The following IMPDH1 variants were observed in gnomAD, a reference collection of about 807,000 sequenced individuals.
IMPDH1 encodes inosine-5'-monophosphate dehydrogenase 1.
In IMPDH1, 41 loss-of-function variants were observed where a neutral mutation model predicts 73.5. That is an observed-to-expected ratio of 0.56 (90% confidence interval 0.43 to 0.72). The LOEUF (loss-of-function observed/expected upper bound fraction) is 0.72. Among genes scored for constraint, IMPDH1 ranks in the 30% least tolerant of loss-of-function variants. IMPDH1 has a pLI of 0.00. For synonymous variants in IMPDH1, 318 were observed against 334.3 expected (o/e 0.95, Z 0.53); for missense variants, 645 against 824.8 (o/e 0.78, Z 2.67).
chr7:128,403,316 C>T (rs76080650), intron 5 of IMPDH1, among the ~76,000 whole-genome samples: 8,539 of 152,198 alleles, frequency 0.056, 415 homozygotes, highest in East Asian at 0.21. Context: ...ACAGCGTCTT[C>T]GGAGGCTGAG....
Position 128,394,778 on chromosome 7 carries a change from T to C in IMPDH1, c.1550+111A>G. ...TGCTACTTAAGCCCTGTGCCTCAGT[T>C]TCCAGAACCACCATATGGGGACTGG... is the stretch of plus-strand genomic sequence containing the variant. On this transcript the variant is annotated intron_variant, in intron 14 of 16. Coordinates refer to ENST00000338791, the MANE Select transcript of IMPDH1 (RefSeq NM_000883.4). The surrounding 1 kb of genome is among the most constrained non-coding windows in gnomAD (Gnocchi z 5.5). 2 of 1,473,954 alleles carry C rather than the reference T, an allele frequency of 1.4e-6. No homozygotes were observed. Among genetic ancestry groups the C allele is most frequent in the Middle Eastern group, 2.4e-4 (1 of 4,238 alleles). The allele number at this position is 1,473,954 out of a possible 1,614,324, so 91.3% of individuals were successfully genotyped here.
intron 12 of IMPDH1, 34 bp from the exon 13 acceptor site, chr7:128,395,308 A>G: frequency 6.2e-7 from 1 of 1,611,224 alleles, no homozygotes; most frequent in South Asian, 1.1e-5. Flanking sequence ...GGCAGAGAAG[A>G]GTCAACAGCA....
At position 128,405,843 on chromosome 7, in the gene IMPDH1, CGCT is replaced by C; in HGVS notation, c.274_276del (p.Ser92del). The C allele has an allele frequency of 6.5e-7, 1 of 1,537,390 alleles. No homozygotes were observed. The highest frequency in any genetic ancestry group is 8.7e-7 in the Non-Finnish European group (1 of 1,143,772). On this transcript the variant is annotated inframe_deletion, in exon 4 of 17. Coordinates refer to ENST00000338791, the MANE Select transcript of IMPDH1 (RefSeq NM_000883.4). Reference sequence around the variant, plus strand: ...TCCTCGGGCACGTAGCCGGTGCCGCCGCTGATCAGGTAGTCCGCCATGCTGCCG... The same window carrying C: ...TCCTCGGGCACGTAGCCGGTGCCGCCGATCAGGTAGTCCGCCATGCTGCCG...
At chr7:128,401,362 G>A (rs866877629) in intron 5 of IMPDH1, among the ~76,000 whole-genome samples, 19 of 152,188 alleles carry the variant, frequency 1.2e-4, no homozygotes, top group Admixed American at 3.9e-4. Context: ...AAGGCCAAGC[G>A]ACCACTGGCA....
At chr7:128,406,501 G>C (rs1039853360) in intron 3 of IMPDH1, among the ~76,000 whole-genome samples, 12 of 151,960 alleles carry the variant, frequency 7.9e-5, no homozygotes, top group African/African-American at 2.7e-4. Context: ...AGGTTGGATC[G>C]CTATGCCCCA....
rs952617387 is a variant in IMPDH1, at chr7:128,392,732, A to C, written c.*275T>G. ...CCAGGCTGGAGCAGGCTGCAGCAAGAAAGACCTGAGGCAGGCGCAGGGCCT... is the reference window on the plus strand; with the variant it reads ...CCAGGCTGGAGCAGGCTGCAGCAAGCAAGACCTGAGGCAGGCGCAGGGCCT... On this transcript the variant is annotated 3_prime_UTR_variant, in exon 17 of 17. Coordinates refer to ENST00000338791, the MANE Select transcript of IMPDH1 (RefSeq NM_000883.4). 2 of 486,850 alleles carry C rather than the reference A, an allele frequency of 4.1e-6. No homozygotes were observed. The highest frequency in any genetic ancestry group is 2.0e-5 in the African/African-American group (1 of 51,050). 30.2% of individuals were successfully genotyped at this position (486,850 alleles called of 1,614,324 possible).
chr7:128,405,724 C>T, intron 4 of IMPDH1, 43 bp downstream of exon 4: 2 of 1,516,082 alleles, frequency 1.3e-6, no homozygotes, highest in Non-Finnish European at 8.8e-7. Flanking sequence ...GGGGTCGCGG[C>T]GCGTGGATGC....
chr7:128,406,029 C>G (rs1421910439), intron 3 of IMPDH1, 164 bp from the exon 4 acceptor site: 1 of 288,782 alleles, frequency 3.5e-6, no homozygotes, highest in East Asian at 1.8e-4. Context: ...CAGGGCGGGC[C>G]AGGGCGCCGC....
Position 128,400,488 on chromosome 7 carries a change from T to A in IMPDH1, c.631A>T (p.Thr211Ser). 6.2e-7 allele frequency: 1 copy of A among 1,612,802 alleles called. No homozygotes were observed. The highest frequency in any genetic ancestry group is 8.5e-7 in the Non-Finnish European group (1 of 1,180,010). Residue 211 changes from threonine (T) to serine (S), a missense_variant, in exon 8 of 17, where the codon ACT becomes TCT. Physicochemically the swap from Thr to Ser is moderately conservative, Grantham distance 58. Around this residue, in one of 2 missense-constraint regions of IMPDH1, gnomAD observed 459 missense variants for 638.2 expected, o/e 0.72. Transcript: ENST00000338791. ...TDPVVLSPSH[T>S]VGDVLEAKMR... ...TTGGCCTCCAGCACATCGCCCACAG[T>A]GTGCGAGGGGCTCAGCACCACAGGG...
In IMPDH1 at chr7:128,394,140, G is replaced by T; in HGVS notation, c.1778+138C>A. The T allele has an allele frequency of 1.4e-6, 1 of 731,964 alleles. No individual in the cohort carries two copies. 45.3% of individuals were successfully genotyped at this position (731,964 alleles called of 1,614,324 possible). A position where few individuals can be genotyped will look rare whatever the true frequency, so the allele number is the denominator to read the frequency against. ...GCTGGGCCCCCGAAGAGAGGGTGAGGGGCCATCCTGCAGCAGCATCTGTCC... is the reference window on the plus strand; with the variant it reads ...GCTGGGCCCCCGAAGAGAGGGTGAGTGGCCATCCTGCAGCAGCATCTGTCC... On this transcript the variant is annotated intron_variant, in intron 16 of 16. Coordinates refer to ENST00000338791, the MANE Select transcript of IMPDH1 (RefSeq NM_000883.4). The surrounding 1 kb of genome is among the most constrained non-coding windows in gnomAD (Gnocchi z 5.5).
chr7:128,409,630 C>T, intron 1 of IMPDH1, 126 bp downstream of exon 1: 1 of 1,506,476 alleles, frequency 6.6e-7, no homozygotes. Flanking sequence ...GAGGCTGAGG[C>T]GGTAATAGGG....
In IMPDH1 at chr7:128,404,238, G is replaced by A. The variant is rs1798545726; in HGVS notation, c.354-484C>T. Reference sequence around the variant, plus strand: ...CATGCCCCGGTGCCTGGGCTGCTGAGTCACACAGGGCTCGGAACAGCATGG... The same window carrying A: ...CATGCCCCGGTGCCTGGGCTGCTGAATCACACAGGGCTCGGAACAGCATGG... On this transcript the variant is annotated intron_variant, in intron 4 of 16. Transcript: ENST00000338791. Among the ~76,000 whole-genome samples, 2 of 152,206 alleles carry A rather than the reference G, an allele frequency of 1.3e-5. 1 individual carries two copies. Among genetic ancestry groups the A allele is most frequent in the South Asian group, 4.1e-4 (2 of 4,830 alleles).
chr7:128,401,109 G>A lies in IMPDH1; in HGVS notation c.410C>T (p.Thr137Ile). Residue 137 changes from threonine to isoleucine, a missense_variant, in exon 6 of 17, where the codon ACC becomes ATC. By Grantham distance (89) the Thr-to-Ile change is moderately conservative. Transcript: ENST00000338791. The part of the protein sequence containing the change: ...IDFIADEVDL[T>I]SALTRKITLK... ...CGTGATCTTCCGGGTCAGGGCTGAG[G>A]TCAGGTCCTGAGGATGGAGGCACAG... The A allele has an allele frequency of 6.2e-7, 1 of 1,612,832 alleles. No homozygotes were observed.
chr7:128,397,053 A>T (rs758556028), intron 10 of IMPDH1, 31 bp from the exon 11 acceptor site: 1 of 1,501,102 alleles, frequency 6.7e-7, no homozygotes, highest in Non-Finnish European at 9.3e-7. Context: ...GCTTGGGCTT[A>T]GACAGCTGAG....
intron 12 of IMPDH1, among the ~76,000 whole-genome samples, chr7:128,395,531 C>A (rs879773460): frequency 6.6e-6 from 1 of 152,220 alleles, no homozygotes; most frequent in Non-Finnish European, 1.5e-5. Flanking sequence ...GCCTTCAGAG[C>A]CCAATGCCCC....
intron 3 of IMPDH1, among the ~76,000 whole-genome samples, chr7:128,407,640 T>C (rs1584756953): frequency 6.6e-6 from 1 of 152,068 alleles, no homozygotes; most frequent in Admixed American, 6.5e-5. Flanking sequence ...AGAGCAGAGA[T>C]TGGCACACAG....
intron 5 of IMPDH1, among the ~76,000 whole-genome samples, chr7:128,403,226 C>T (rs545722440): frequency 6.6e-6 from 1 of 151,982 alleles, no homozygotes; most frequent in African/African-American, 2.4e-5. Context: ...AGGTATAACC[C>T]TTTGATCTCT....
At position 128,400,320 on chromosome 7, in the gene IMPDH1, G is replaced by T. The variant is rs865988871; in HGVS notation, c.786+13C>A. ...CTCTACACCCAGCCCTGCTTCCCCT[G>T]CCCTGCAGGTACCTCACTGAGGAGG... On this transcript the variant is annotated intron_variant, in intron 8 of 16. Transcript: ENST00000338791. 1 of 1,612,800 alleles carries T rather than the reference G, an allele frequency of 6.2e-7. No homozygotes were observed. Among genetic ancestry groups the T allele is most frequent in the Admixed American group, 1.7e-5 (1 of 59,862 alleles).
At position 128,405,718 on chromosome 7, in the gene IMPDH1, T is replaced by C. The variant is rs1474247900; in HGVS notation, c.353+49A>G. On this transcript the variant is annotated intron_variant, in intron 4 of 16. Transcript: ENST00000338791. ...CGCACGTGCAGGGCCGGCCCGGGGG[T>C]CGCGGCGCGTGGATGCGCGCACCTA... is the stretch of plus-strand genomic sequence containing the variant. 3.3e-6 allele frequency: 5 copies of C among 1,509,938 alleles called. No homozygotes were observed. The Admixed American group carries it at 8.3e-5, about 25-fold the overall frequency. The allele number at this position is 1,509,938 out of a possible 1,614,324, so 93.5% of individuals were successfully genotyped here.
Sources: gnomAD v4.1 joint callset for allele counts (sites outside exome capture counted in the v4.1 genomes callset) on GRCh38, gnomAD v4.1.1 for gene constraint, gnomAD v4.1.1 regional missense constraint, Gnocchi (gnomAD v3.1) non-coding constraint, MANE v1.5 for transcripts, NCBI Gene and HGNC (gene_info 2026-07-23, HGNC 2026-07-21) for gene names.